TNPO1: variants seen among roughly 807,000 people sequenced by gnomAD.
TNPO1 encodes transportin-1.
A neutral mutation model predicts 119.5 loss-of-function variants in TNPO1; 8 were observed. The ratio of observed to expected loss-of-function variants is 0.07; its 90% CI spans 0.04 to 0.12. TNPO1 has a LOEUF of 0.12. Among genes scored for constraint, TNPO1 ranks in the 10% least tolerant of loss-of-function variants. The probability of loss-of-function intolerance (pLI) is 1.00; values close to 1 mark genes in which losing one functional copy is unlikely to be tolerated. For missense variants in TNPO1, 576 were observed against 1,089.8 expected, an observed-to-expected ratio of 0.53 and a Z score of 6.64; for synonymous variants, 362 against 363.0, an observed-to-expected ratio of 1.00 and a Z score of 0.03.
chr5:72,903,563 A>G, intron 22 of TNPO1, 146 bp from the exon 23 acceptor site: 2 of 590,464 alleles, frequency 3.4e-6, no homozygotes, highest in Non-Finnish European at 5.8e-6. Flanking sequence ...AATCTCTTCT[A>G]ATTCCTTATG....
chr5:72,882,672 TTAAGTAATG>T, intron 10 of TNPO1, 145 bp downstream of exon 10: 1 of 570,038 alleles, frequency 1.8e-6, no homozygotes, highest in Non-Finnish European at 3.1e-6. Context: ...AAGCATAAGT[TTAAGTAATG>T]ATAAATTCTT....
At position 72,889,476 on chromosome 5, in the gene TNPO1, G is replaced by A. The variant is rs1321281001; in HGVS notation, c.1530-310G>A. On this transcript the variant is annotated intron_variant, in intron 13 of 24. Transcript: ENST00000337273. ...CTATAATTTATTCATTCAGTACCTC[G>A]GTTTTTTTTTTTAGCTATTAATTGT... Among the ~76,000 whole-genome samples, 4 of 151,934 alleles carry A rather than the reference G, an allele frequency of 2.6e-5. No homozygotes were observed. In the East Asian group the frequency reaches 5.8e-4, roughly 22 times the overall value.
chr5:72,868,713 T>C (rs564145840), intron 6 of TNPO1, among the ~76,000 whole-genome samples: 1 of 152,028 alleles, frequency 6.6e-6, no homozygotes, highest in East Asian at 1.9e-4. Context: ...AGAGCAAAAA[T>C]TGGAGTGTTT....
Position 72,816,698 on chromosome 5 carries a change from GC to G in TNPO1, c.-38del. 6.4e-7 allele frequency: 1 copy of G among 1,554,504 alleles called. No individual in the cohort carries two copies. The highest frequency in any genetic ancestry group is 2.5e-5 in the East Asian group (1 of 40,050). On this transcript the variant is annotated 5_prime_UTR_variant, in exon 1 of 25. Coordinates refer to ENST00000337273, the MANE Select transcript of TNPO1 (RefSeq NM_002270.4). The stretch of plus-strand genomic sequence containing the variant: ...TTTCAGGCCCCGGACAGGAGGCAGT[GC>G]CGCTTCGGCCGAAGGCCCGAGCGCC...
chr5:72,880,857 G>C (rs1748192599), intron 9 of TNPO1, among the ~76,000 whole-genome samples: 1 of 151,314 alleles, frequency 6.6e-6, no homozygotes, highest in African/African-American at 2.4e-5. Context: ...TGGCTACATG[G>C]GGGCTTCAGG....
rs771417325 is a variant in TNPO1 at position 72,911,757 on chromosome 5, C to T, written c.*3084C>T. ...TAGTGTGCTCAACTACAGAAATAGCCGCTGCTAAGTGATGTAGATTTTCTA... is the reference window on the plus strand; with the variant it reads ...TAGTGTGCTCAACTACAGAAATAGCTGCTGCTAAGTGATGTAGATTTTCTA... On this transcript the variant is annotated 3_prime_UTR_variant, in exon 25 of 25. Coordinates refer to ENST00000337273, the MANE Select transcript of TNPO1 (RefSeq NM_002270.4). 1.3e-5 allele frequency: 2 copies of T among 152,452 alleles called. No homozygotes were observed. The highest frequency in any genetic ancestry group is 2.1e-4 in the South Asian group (1 of 4,830). 9.4% of individuals were successfully genotyped at this position (152,452 alleles called of 1,614,324 possible).
intron 1 of TNPO1, among the ~76,000 whole-genome samples, chr5:72,836,038 G>T (rs1744680133): frequency 6.6e-6 from 1 of 152,260 alleles, no homozygotes; most frequent in African/African-American, 2.4e-5. Context: ...TGTCCCCATG[G>T]CTTTGCTGGG....
intron 11 of TNPO1, among the ~76,000 whole-genome samples, chr5:72,885,613 ATTTCCT>A (rs1748563309): frequency 6.6e-6 from 1 of 151,954 alleles, no homozygotes; most frequent in South Asian, 2.1e-4. Context: ...ACAGATTTAG[ATTTCCT>A]TTTGTTGCAT....
In TNPO1 at chr5:72,907,376, T is replaced by C. The variant is rs548942005; in HGVS notation, c.*36-1333T>C. On this transcript the variant is annotated intron_variant, in intron 24 of 24. Coordinates refer to ENST00000337273, the MANE Select transcript of TNPO1 (RefSeq NM_002270.4). ...ATGAAATAGTTCTCGGTTTTGTAAT[T>C]AGAGCTAAAAGTAGATCAGTATCTT... Among the ~76,000 whole-genome samples the C allele has an allele frequency of 5.3e-5, 8 of 152,352 alleles. No homozygotes were observed. In the East Asian group the frequency reaches 1.3e-3, roughly 26 times the overall value.
intron 7 of TNPO1, among the ~76,000 whole-genome samples, chr5:72,874,736 G>T (rs1331050302): frequency 6.6e-6 from 1 of 152,164 alleles, no homozygotes; most frequent in African/African-American, 2.4e-5. Context: ...GGTTCATTTT[G>T]TAGAGGATTT....
chr5:72,900,257 A>G (rs1370677491), intron 21 of TNPO1, among the ~76,000 whole-genome samples, 176 bp downstream of exon 21: 1 of 152,138 alleles, frequency 6.6e-6, no homozygotes, highest in Non-Finnish European at 1.5e-5. Context: ...ATCGTCATGT[A>G]TATTTATTTT....
Position 72,896,430 on chromosome 5 carries a change from TACTACATA to T in TNPO1, c.2144-27_2144-20del. The T allele has an allele frequency of 5.8e-6, 9 of 1,549,492 alleles. No individual in the cohort carries two copies. Among genetic ancestry groups the T allele is most frequent in the Non-Finnish European group, 7.1e-6 (8 of 1,123,574 alleles). ...TACAATATACTGCTATTGAAAAGTT[TACTACATA>T]GTTTAAATTTTTTTTCTAGCTGATT... On this transcript the variant is annotated intron_variant, in intron 18 of 24. Coordinates refer to ENST00000337273, the MANE Select transcript of TNPO1 (RefSeq NM_002270.4).
intron 1 of TNPO1, among the ~76,000 whole-genome samples, chr5:72,837,827 G>A (rs1454995898): frequency 6.6e-6 from 1 of 152,152 alleles, no homozygotes; most frequent in African/African-American, 2.4e-5. Flanking sequence ...TGGCTTAGAA[G>A]ATTGGACAAT....
rs1455105181 is a variant in TNPO1 at position 72,911,281 on chromosome 5, A to G, written c.*2608A>G. The G allele has an allele frequency of 6.6e-6, 1 of 152,014 alleles. No individual in the cohort carries two copies. Among genetic ancestry groups the G allele is most frequent in the African/African-American group, 2.4e-5 (1 of 41,420 alleles). The allele number at this position is 152,014 out of a possible 1,614,324, so 9.4% of individuals were successfully genotyped here. On this transcript the variant is annotated 3_prime_UTR_variant, in exon 25 of 25. Transcript: ENST00000337273. ...TAGTTTCCAGTTAGGCAGATGAATA[A>G]CACTATTAAAAATGCACCCAGTTTT...
chr5:72,893,888 T>C (rs1188037706), intron 18 of TNPO1, among the ~76,000 whole-genome samples, 185 bp downstream of exon 18: 2 of 152,234 alleles, frequency 1.3e-5, no homozygotes, highest in Non-Finnish European at 2.9e-5. Flanking sequence ...AATATTTCCT[T>C]GAGCTTGCCA....
intron 1 of TNPO1, among the ~76,000 whole-genome samples, chr5:72,836,740 A>G (rs1744707739): frequency 2.0e-5 from 3 of 152,116 alleles, no homozygotes; most frequent in African/African-American, 7.2e-5. Context: ...CCTGCATCTT[A>G]CTATAAGCAG....
At position 72,822,042 on chromosome 5, in the gene TNPO1, A is replaced by G. The variant is rs185637700; in HGVS notation, c.15+5290A>G. ...TAAGGTCTTAATTAGACAAACTCTA[A>G]TATATAGTAGAGAGGGATGTTGAAG... On this transcript the variant is annotated intron_variant, in intron 1 of 24. Coordinates refer to ENST00000337273, the MANE Select transcript of TNPO1 (RefSeq NM_002270.4). 1.4e-4 allele frequency among the ~76,000 whole-genome samples: 21 copies of G among 152,346 alleles called. No individual in the cohort carries two copies. The East Asian group carries it at 3.9e-3, about 28-fold the overall frequency.
chr5:72,872,876 G>A lies in TNPO1; in HGVS notation c.678+156G>A, dbSNP rs550564669. Among the ~76,000 whole-genome samples the A allele has an allele frequency of 7.2e-5, 11 of 152,046 alleles. 1 individual carries two copies. The South Asian group carries it at 2.3e-3, about 32-fold the overall frequency. ...AATTATTTCTGATAGTATTAAAACT[G>A]GATATGGGATAGACTAACTTTTGTT... On this transcript the variant is annotated intron_variant, in intron 7 of 24. Transcript: ENST00000337273.
rs1481330227 is a variant in TNPO1 at position 72,888,006 on chromosome 5, T to G, written c.1304-72T>G. On this transcript the variant is annotated intron_variant, in intron 12 of 24. Transcript: ENST00000337273. ...TTCTGAATTTTTTCATAGATACGTG[T>G]TTTATTTTCATAATCAACCAAAATA... 2.1e-6 allele frequency: 3 copies of G among 1,425,376 alleles called. No homozygotes were observed. The East Asian group carries it at 6.9e-5, about 33-fold the overall frequency. 88.3% of individuals were successfully genotyped at this position (1,425,376 alleles called of 1,614,324 possible). A position where few individuals can be genotyped will look rare whatever the true frequency, so the allele number is the denominator to read the frequency against.
Sources: allele counts gnomAD v4.1 joint callset (sites outside exome capture counted in the v4.1 genomes callset), GRCh38; gene constraint gnomAD v4.1.1; transcripts MANE v1.5; gene names NCBI Gene and HGNC (gene_info 2026-07-23, HGNC 2026-07-21).